Variants in SPATA13 observed in about 807,000 individuals in gnomAD.
SPATA13 encodes spermatogenesis associated 13, also known as spermatogenesis-associated protein 13.
In SPATA13, 50 loss-of-function variants were observed where a neutral mutation model predicts 104.0. The observed-to-expected ratio is 0.48, with a 90% CI of 0.38 to 0.61. SPATA13 has a LOEUF of 0.61. Ranked by LOEUF, SPATA13 falls within the 20% of genes least tolerant of loss-of-function variation. SPATA13 has a pLI of 0.00. For synonymous variants in SPATA13, 606 were observed against 667.5 expected (o/e 0.91, Z 1.42); for missense variants, 1,524 against 1,690.6 (o/e 0.90, Z 1.73).
chr13:23,999,701 C>T (rs1875867910), intron 2 of SPATA13, among the ~76,000 whole-genome samples: 4 of 152,176 alleles, frequency 2.6e-5, no homozygotes, highest in Admixed American at 2.0e-4. Context: ...AGATTACTCT[C>T]AAGTCTGGCC....
intron 2 of SPATA13, among the ~76,000 whole-genome samples, chr13:24,014,564 A>C (rs1180641656): frequency 6.6e-6 from 1 of 152,220 alleles, no homozygotes; most frequent in Non-Finnish European, 1.5e-5. Flanking sequence ...AAATCATAAG[A>C]AAGAGAAAAT....
At chr13:24,221,775 G>A (rs1005729478) in intron 1 of SPATA13, among the ~76,000 whole-genome samples, 2 of 151,224 alleles carry the variant, frequency 1.3e-5, no homozygotes, top group African/African-American at 2.4e-5. Context: ...AAAAGATGCC[G>A]AATTTGTTTA....
chr13:24,302,607 G>A lies in SPATA13; in HGVS notation c.3668G>A (p.Arg1223Lys), dbSNP rs369378402. 5.8e-5 allele frequency: 93 copies of A among 1,606,380 alleles called. No individual in the cohort carries two copies. The highest frequency in any genetic ancestry group is 6.9e-5 in the Non-Finnish European group (81 of 1,175,394). ...TCCCCTCCCGAGTCAGGCTACAACA[G>A]GTGCCCTGTGGCCCCACCGCACCAG... ...AGHGKSKGYN[R>K]CPVAPPHQGL... Residue 1223 changes from arginine to lysine, a missense_variant, in exon 13 of 13, where the codon AGG (arginine) becomes AAG (lysine). Arg to Lys is a conservative substitution (Grantham distance 26, BLOSUM62 2). Coordinates refer to ENST00000382108, the MANE Select transcript of SPATA13 (RefSeq NM_001166271.3).
intron 2 of SPATA13, among the ~76,000 whole-genome samples, chr13:23,988,526 T>C (rs1299941255): frequency 6.6e-6 from 1 of 152,256 alleles, no homozygotes; most frequent in Admixed American, 6.5e-5. Context: ...GAATTATTGA[T>C]ATTGATTTGC....
At chr13:24,185,738 T>C (rs1869104793) in intron 1 of SPATA13, among the ~76,000 whole-genome samples, 1 of 143,550 alleles carries the variant, frequency 7.0e-6, no homozygotes, top group African/African-American at 2.5e-5. Flanking sequence ...TTTTTTTTCA[T>C]GAGCCCTGTG....
Position 24,242,601 on chromosome 13 carries a change from C to T in SPATA13, c.1654-6876C>T, listed in dbSNP as rs115656576. Among the ~76,000 whole-genome samples, 748 of 152,246 alleles carry T rather than the reference C, an allele frequency of 4.9e-3. 3 individuals are homozygous for T. The highest frequency in any genetic ancestry group is 0.017 in the African/African-American group (725 of 41,552). On this transcript the variant is annotated intron_variant, in intron 2 of 12. Transcript: ENST00000382108. ...TCTCATCGTAAAATGGGGGTAATTA[C>T]GTCTTCTTTGCTTCTTTGAAAATAT...
intron 1 of SPATA13, among the ~76,000 whole-genome samples, chr13:24,199,920 T>G (rs921769686): frequency 6.6e-6 from 1 of 152,210 alleles, no homozygotes; most frequent in African/African-American, 2.4e-5. Flanking sequence ...ATAAGAGAGA[T>G]AGACTAGCAT....
At chr13:24,233,913 A>G (rs915322063) in intron 2 of SPATA13, among the ~76,000 whole-genome samples, 7 of 152,142 alleles carry the variant, frequency 4.6e-5, no homozygotes, top group East Asian at 3.9e-4. Flanking sequence ...ACACACACAC[A>G]CACACACACA....
rs1019559693 is a variant in SPATA13 at position 24,088,789 on chromosome 13, T to C, written c.-112+71088T>C. ...AGCCAATCTGCCATCATTTAATCAATTAACACCAAAGGCCAGAAATGTGTG... is the reference window on the plus strand; with the variant it reads ...AGCCAATCTGCCATCATTTAATCAACTAACACCAAAGGCCAGAAATGTGTG... On this transcript the variant is annotated intron_variant, in intron 3 of 14. Transcript: ENST00000424834. The surrounding 1 kb of genome is among the most constrained non-coding windows in gnomAD (Gnocchi z 4.3). 1.3e-5 allele frequency among the ~76,000 whole-genome samples: 2 copies of C among 152,124 alleles called. No individual in the cohort carries two copies. Among genetic ancestry groups the C allele is most frequent in the African/African-American group, 4.8e-5 (2 of 41,424 alleles).
chr13:24,247,582 T>G (rs1873216762), intron 2 of SPATA13, among the ~76,000 whole-genome samples: 1 of 145,842 alleles, frequency 6.9e-6, no homozygotes, highest in African/African-American at 2.5e-5. Context: ...CGTGTTCAAG[T>G]GACTCTCCTG....
chr13:24,044,610 T>G (rs1290252491), intron 3 of SPATA13, among the ~76,000 whole-genome samples: 1 of 152,238 alleles, frequency 6.6e-6, no homozygotes, highest in Non-Finnish European at 1.5e-5. Flanking sequence ...TTACATTGTT[T>G]AATGATCGAA....
chr13:24,271,854 G>C (rs1450121917), intron 4 of SPATA13, among the ~76,000 whole-genome samples: 1 of 152,148 alleles, frequency 6.6e-6, no homozygotes, highest in Non-Finnish European at 1.5e-5. Context: ...TGTTTTGATT[G>C]GTTTCTGTGC....
intron 2 of SPATA13, among the ~76,000 whole-genome samples, 164 bp from the exon 3 acceptor site, chr13:24,249,313 T>G (rs1873340028): frequency 6.6e-6 from 1 of 152,234 alleles, no homozygotes; most frequent in African/African-American, 2.4e-5. Context: ...TGATTAAGGT[T>G]TGGTTGTGTC....
At chr13:24,264,371 A>C (rs1874197642) in intron 4 of SPATA13, among the ~76,000 whole-genome samples, 1 of 152,214 alleles carries the variant, frequency 6.6e-6, no homozygotes, top group South Asian at 2.1e-4. Flanking sequence ...AGCACTCTGT[A>C]CGTATTCCTG....
chr13:23,985,702 C>T (rs1234174065), intron 2 of SPATA13, among the ~76,000 whole-genome samples: 3 of 152,096 alleles, frequency 2.0e-5, no homozygotes, highest in East Asian at 1.9e-4. Flanking sequence ...TGATAGTAGT[C>T]GTAAATCATT....
intron 3 of SPATA13, among the ~76,000 whole-genome samples, chr13:24,065,341 C>G (rs1465460150): frequency 6.6e-6 from 1 of 152,040 alleles, no homozygotes; most frequent in Non-Finnish European, 1.5e-5. Flanking sequence ...TGAGGGGTAG[C>G]AGATGGGAGG....
intron 2 of SPATA13, 108 bp downstream of exon 2, chr13:24,224,690 T>C: frequency 8.5e-7 from 1 of 1,170,798 alleles, no homozygotes; most frequent in South Asian, 1.3e-5. Flanking sequence ...GGCCCTCTGC[T>C]GACCTTGTTG....
At chr13:24,086,318 C>T (rs1242181372) in intron 3 of SPATA13, among the ~76,000 whole-genome samples, 1 of 152,160 alleles carries the variant, frequency 6.6e-6, no homozygotes, top group Non-Finnish European at 1.5e-5. Context: ...ACTGGGTGTC[C>T]TGTGCTTTAT....
chr13:24,199,341 A>G (rs1375627462), intron 1 of SPATA13, among the ~76,000 whole-genome samples: 1 of 152,206 alleles, frequency 6.6e-6, no homozygotes, highest in Non-Finnish European at 1.5e-5. Context: ...CTCTGTAAAC[A>G]GCTTTGATTG....
Sources: gnomAD v4.1 joint callset for allele counts (sites outside exome capture counted in the v4.1 genomes callset) on GRCh38, gnomAD v4.1.1 for gene constraint, Gnocchi (gnomAD v3.1) non-coding constraint, MANE v1.5 for transcripts, NCBI Gene and HGNC (gene_info 2026-07-23, HGNC 2026-07-21) for gene names.